Variants in NAV3 observed in about 807,000 individuals in gnomAD.
NAV3 encodes the protein pore membrane and/or filament interacting like protein 1.
A neutral mutation model predicts 244.7 loss-of-function variants in NAV3; 87 were observed. The observed-to-expected ratio is 0.36, with a 90% CI of 0.30 to 0.42. The LOEUF (loss-of-function observed/expected upper bound fraction) is 0.42, where lower values mean the gene tolerates loss of function less well. Ranked by LOEUF, NAV3 falls within the 20% of genes least tolerant of loss-of-function variation. The probability of loss-of-function intolerance (pLI) is 1.00; values close to 1 mark genes in which losing one functional copy is unlikely to be tolerated. For synonymous variants in NAV3, 1,126 were observed against 1,042.2 expected (o/e 1.08, Z -1.55); for missense variants, 2,663 against 2,893.3 (o/e 0.92, Z 1.83).
At chr12:77,851,357 A>G (rs1173837338) in intron 1 of NAV3, among the ~76,000 whole-genome samples, 1 of 152,218 alleles carries the variant, frequency 6.6e-6, no homozygotes, top group Non-Finnish European at 1.5e-5. Context: ...TCACTGTCAC[A>G]GGTTCTCTGA....
chr12:77,943,206 T>A (rs1415879801), intron 3 of NAV3, among the ~76,000 whole-genome samples: 1 of 152,194 alleles, frequency 6.6e-6, no homozygotes. Flanking sequence ...TTAATTTTTT[T>A]ATTACTTCTT....
At chr12:78,115,048 TTATGATGTAGCTCTTGAAGTACATA>T (rs1416605042) in intron 12 of NAV3, among the ~76,000 whole-genome samples, 2 of 152,210 alleles carry the variant, frequency 1.3e-5, no homozygotes, top group African/African-American at 2.4e-5. Context: ...TATTTTGGAC[TTATGATGTAGCTCTTGAAGTACATA>T]TATGATGTAG....
At chr12:77,751,846 C>T (rs149939027) in intron 2 of NAV3, among the ~76,000 whole-genome samples, 21 of 152,208 alleles carry the variant, frequency 1.4e-4, no homozygotes, top group Admixed American at 1.3e-4. Context: ...CGAGCTTATA[C>T]GCAGTTGTTC....
chr12:77,581,787 A>G (rs1312636504), intron 2 of NAV3, among the ~76,000 whole-genome samples: 2 of 152,206 alleles, frequency 1.3e-5, no homozygotes, highest in East Asian at 1.9e-4. Flanking sequence ...GATTTAAATG[A>G]TACAATATTT....
chr12:77,835,049 T>G (rs1874382479), intron 1 of NAV3, among the ~76,000 whole-genome samples: 1 of 145,838 alleles, frequency 6.9e-6, no homozygotes, highest in Non-Finnish European at 1.5e-5. Flanking sequence ...AGTTGAGCAG[T>G]CCATGTATGG....
chr12:77,646,449 G>A (rs1271816060), intron 2 of NAV3, among the ~76,000 whole-genome samples: 2 of 151,878 alleles, frequency 1.3e-5, no homozygotes, highest in Non-Finnish European at 2.9e-5. Flanking sequence ...AAGCAGAGGT[G>A]AAGAAGGCGT....
chr12:78,014,229 G>A (rs993685371), intron 8 of NAV3, among the ~76,000 whole-genome samples: 3 of 152,050 alleles, frequency 2.0e-5, no homozygotes, highest in African/African-American at 4.8e-5. Flanking sequence ...CTGTTTTGAA[G>A]TCTACATTCT....
At chr12:77,597,141 C>T (rs986085607) in intron 2 of NAV3, among the ~76,000 whole-genome samples, 9 of 152,114 alleles carry the variant, frequency 5.9e-5, no homozygotes, top group African/African-American at 2.2e-4. Context: ...GTCTCACATG[C>T]AATGTTGAAG....
At chr12:77,752,476 A>T (rs1868910602) in intron 2 of NAV3, among the ~76,000 whole-genome samples, 1 of 152,098 alleles carries the variant, frequency 6.6e-6, no homozygotes, top group Non-Finnish European at 1.5e-5. Context: ...AAAACAGATG[A>T]AGACACATCA....
intron 12 of NAV3, among the ~76,000 whole-genome samples, chr12:78,088,497 A>G (rs1272497961): frequency 6.6e-6 from 1 of 152,018 alleles, no homozygotes; most frequent in South Asian, 2.1e-4. Context: ...TAGTTTGTTG[A>G]CATGCGCTAT....
intron 2 of NAV3, among the ~76,000 whole-genome samples, chr12:77,632,733 T>C (rs1029973414): frequency 3.3e-5 from 5 of 152,196 alleles, no homozygotes; most frequent in African/African-American, 1.2e-4. Context: ...ACTATAATAG[T>C]AATGAGACTT....
intron 11 of NAV3, among the ~76,000 whole-genome samples, chr12:78,052,445 C>A (rs1342718288): frequency 6.6e-6 from 1 of 152,118 alleles, no homozygotes; most frequent in Non-Finnish European, 1.5e-5. Flanking sequence ...CCCTTCGGAA[C>A]CTAACGTATC....
At chr12:77,701,528 T>C (rs1363269644) in intron 2 of NAV3, among the ~76,000 whole-genome samples, 1 of 151,978 alleles carries the variant, frequency 6.6e-6, no homozygotes, top group Non-Finnish European at 1.5e-5. Flanking sequence ...TTTCATACTC[T>C]TCATTTTAAG....
chr12:78,050,135 A>C lies in NAV3; in HGVS notation c.2132+34A>C. ...CAATTTTGCATATATTTGAGCCAATAAAGAAAAAATAATTACAAACAAACA... is the reference window on the plus strand; with the variant it reads ...CAATTTTGCATATATTTGAGCCAATCAAGAAAAAATAATTACAAACAAACA... On this transcript the variant is annotated intron_variant, in intron 10 of 39. Transcript: ENST00000397909. The C allele has an allele frequency of 2.1e-6, 3 of 1,434,526 alleles. No individual in the cohort carries two copies. In the South Asian group the frequency reaches 3.7e-5, roughly 18 times the overall value. The allele number at this position is 1,434,526 out of a possible 1,614,324, so 88.9% of individuals were successfully genotyped here.
At chr12:77,616,727 C>T (rs551549801) in intron 2 of NAV3, among the ~76,000 whole-genome samples, 42 of 139,498 alleles carry the variant, frequency 3.0e-4, no homozygotes, top group African/African-American at 1.1e-3. Context: ...TACACACAGG[C>T]GCGCACACAC....
At chr12:77,668,773 T>C (rs11106199) in intron 2 of NAV3, among the ~76,000 whole-genome samples, 12,582 of 152,210 alleles carry the variant, frequency 0.083, 753 homozygotes, top group African/African-American at 0.18. Flanking sequence ...GAGATCTAGA[T>C]GTCCAGTACA....
chr12:78,117,157 G>GTATATATA (rs1271535818), intron 13 of NAV3, among the ~76,000 whole-genome samples: 1 of 11,614 alleles, frequency 8.6e-5, no homozygotes, highest in Non-Finnish European at 1.4e-4. Context: ...AACAGAAGCA[G>GTATATATA]CATATATATA....
chr12:77,926,483 G>GATAGATAC (rs140302546), intron 1 of NAV3, among the ~76,000 whole-genome samples: 17,582 of 152,032 alleles, frequency 0.12, 1,101 homozygotes, highest in South Asian at 0.2. Context: ...TACATACATA[G>GATAGATAC]ATAGATACAT....
intron 3 of NAV3, among the ~76,000 whole-genome samples, chr12:77,962,664 C>T (rs764985340): frequency 6.6e-6 from 1 of 152,110 alleles, no homozygotes; most frequent in Non-Finnish European, 1.5e-5. Context: ...GCAATGTAGG[C>T]ATGGCAATGC....
Sources: allele counts gnomAD v4.1 joint callset (sites outside exome capture counted in the v4.1 genomes callset), GRCh38; gene constraint gnomAD v4.1.1; transcripts MANE v1.5; gene names NCBI Gene and HGNC (gene_info 2026-07-23, HGNC 2026-07-21).